The following FARSB variants were observed in gnomAD, a reference collection of about 807,000 sequenced individuals.
FARSB encodes the protein phenylalanine--tRNA ligase beta subunit.
In FARSB, 40 loss-of-function variants were observed where a neutral mutation model predicts 69.6. That is an observed-to-expected ratio of 0.57 (90% CI 0.45 to 0.75). FARSB has a LOEUF of 0.75. Ranked by LOEUF, FARSB falls within the 30% of genes least tolerant of loss-of-function variation. The pLI is 0.00. For synonymous variants in FARSB, 235 were observed against 247.2 expected, an observed-to-expected ratio of 0.95 and a Z score of 0.46; for missense variants, 632 against 722.9, an observed-to-expected ratio of 0.87 and a Z score of 1.44.
At position 222,642,909 on chromosome 2, in the gene FARSB, T is replaced by C; in HGVS notation, c.211A>G (p.Arg71Gly). ...VLYKIDVPAN[R>G]YDLLCLEGLV... ...CCTTCCAGACACAGGAGATCATATCTATTGGCAGGGACGTCAATTTTGTAA... is the reference window on the plus strand; with the variant it reads ...CCTTCCAGACACAGGAGATCATATCCATTGGCAGGGACGTCAATTTTGTAA... Residue 71 changes from arginine (R) to glycine (G), a missense_variant, in exon 3 of 17, where the codon AGA (arginine) becomes GGA (glycine). Arg to Gly is a moderately radical substitution (Grantham distance 125). Coordinates refer to ENST00000281828, the MANE Select transcript of FARSB (RefSeq NM_005687.5). 6.2e-7 allele frequency: 1 copy of C among 1,613,110 alleles called. No individual in the cohort carries two copies. The highest frequency in any genetic ancestry group is 8.5e-7 in the Non-Finnish European group (1 of 1,179,112).
In FARSB at chr2:222,599,911, C is replaced by A. The variant is rs369727146; in HGVS notation, c.1618+17G>T. 8.9e-6 allele frequency: 14 copies of A among 1,565,808 alleles called. No individual in the cohort carries two copies. Among genetic ancestry groups the A allele is most frequent in the Non-Finnish European group, 1.2e-5 (14 of 1,163,004 alleles). On this transcript the variant is annotated intron_variant, in intron 16 of 16. Coordinates refer to ENST00000281828, the MANE Select transcript of FARSB (RefSeq NM_005687.5). ...CTGACACTGTCACTAACTCTGGATT[C>A]GGCTCATCTGTCTTACCTTCTGATG...
intron 15 of FARSB, among the ~76,000 whole-genome samples, chr2:222,604,453 C>T (rs1048312191): frequency 2.0e-5 from 3 of 152,152 alleles, no homozygotes; most frequent in African/African-American, 7.2e-5. Context: ...TGCCATTTAA[C>T]ATTTCTCAGT....
At chr2:222,598,915 C>A (rs1690492038) in intron 16 of FARSB, among the ~76,000 whole-genome samples, 1 of 150,782 alleles carries the variant, frequency 6.6e-6, no homozygotes, top group Admixed American at 6.6e-5. Context: ...GAAACAACTT[C>A]CTGCTTATTT....
chr2:222,603,444 A>G (rs996596904), intron 15 of FARSB, among the ~76,000 whole-genome samples: 3 of 151,828 alleles, frequency 2.0e-5, no homozygotes, highest in Non-Finnish European at 4.4e-5. Context: ...ACGAAAACTA[A>G]CATTAACTGT....
intron 16 of FARSB, among the ~76,000 whole-genome samples, chr2:222,582,782 G>A (rs1217549289): frequency 3.3e-5 from 5 of 151,870 alleles, no homozygotes; most frequent in Admixed American, 1.3e-4. Context: ...AAAATTAGTC[G>A]GGTGTGGTGG....
chr2:222,589,714 T>G (rs893881746), intron 16 of FARSB, among the ~76,000 whole-genome samples: 1 of 152,066 alleles, frequency 6.6e-6, no homozygotes, highest in African/African-American at 2.4e-5. Flanking sequence ...GATATCAACA[T>G]GTACTTCTCA....
Position 222,582,390 on chromosome 2 carries a change from G to T in FARSB, c.1619-10368C>A, listed in dbSNP as rs538445738. Among the ~76,000 whole-genome samples, 25 of 152,314 alleles carry T rather than the reference G, an allele frequency of 1.6e-4. No homozygotes were observed. In the South Asian group the frequency reaches 5.0e-3, roughly 30 times the overall value. ...AGAATATGAACACACACACACAGGT[G>T]TGTGCACACATACATCAGAAGGATA... is the stretch of plus-strand genomic sequence containing the variant. On this transcript the variant is annotated intron_variant, in intron 16 of 16. Transcript: ENST00000281828.
chr2:222,624,550 T>C, intron 11 of FARSB, 71 bp from the exon 12 acceptor site: 3 of 1,094,228 alleles, frequency 2.7e-6, no homozygotes, highest in Non-Finnish European at 4.1e-6. Context: ...TGTTTCAACA[T>C]ATGCTACTAG....
rs985387412 is a variant in FARSB at position 222,567,403 on chromosome 2, G to A, written c.*4468C>T. On this transcript the variant is annotated 3_prime_UTR_variant, in exon 17 of 17. Transcript: ENST00000281828. ...TTGCTTTTGGATAAAATGGACAGAA[G>A]GGCCAAAGTAAATACTCAAGTATTA... 6.6e-6 allele frequency: 1 copy of A among 152,196 alleles called. No homozygotes were observed. Among genetic ancestry groups the A allele is most frequent in the African/African-American group, 2.4e-5 (1 of 41,440 alleles). 9.4% of individuals were successfully genotyped at this position (152,196 alleles called of 1,614,324 possible).
intron 2 of FARSB, chr2:222,644,591 A>T (rs1469827432): frequency 2.3e-6 from 1 of 437,464 alleles, no homozygotes; most frequent in Non-Finnish European, 4.6e-6. Context: ...ATAATATAAT[A>T]ACCGGAGAAA....
chr2:222,644,748 GTTTAA>G (rs1691805140), intron 2 of FARSB, among the ~76,000 whole-genome samples: 1 of 151,958 alleles, frequency 6.6e-6, no homozygotes, highest in Non-Finnish European at 1.5e-5. Context: ...CTATGAAAAA[GTTTAA>G]TTTATAAATT....
At chr2:222,630,244 A>C (rs1691384520) in intron 8 of FARSB, 70 bp from the exon 9 acceptor site, 2 of 765,194 alleles carry the variant, frequency 2.6e-6, no homozygotes, top group Non-Finnish European at 4.2e-6. Flanking sequence ...GAAATGAATT[A>C]ATATTTAATA....
intron 10 of FARSB, 42 bp from the exon 11 acceptor site, chr2:222,624,817 G>T: frequency 8.0e-7 from 1 of 1,256,098 alleles, no homozygotes; most frequent in Non-Finnish European, 1.1e-6. Context: ...TTTCCCATCA[G>T]ATACAGCTTT....
chr2:222,644,547 G>A (rs1559216538), intron 2 of FARSB: 1 of 454,854 alleles, frequency 2.2e-6, no homozygotes, highest in Non-Finnish European at 4.4e-6. Context: ...CCCAGGAGAT[G>A]GCAGATCTCA....
At chr2:222,653,774 G>T (rs890998313) in intron 1 of FARSB, among the ~76,000 whole-genome samples, 5 of 151,902 alleles carry the variant, frequency 3.3e-5, no homozygotes, top group Non-Finnish European at 7.4e-5. Context: ...GGGACTACAC[G>T]TATACACCAC....
chr2:222,590,464 T>C (rs1690239259), intron 16 of FARSB, among the ~76,000 whole-genome samples: 1 of 146,814 alleles, frequency 6.8e-6, no homozygotes, highest in Non-Finnish European at 1.5e-5. Flanking sequence ...TGTATACATA[T>C]GTAACAAACC....
chr2:222,631,343 C>T (rs551434578), intron 8 of FARSB, among the ~76,000 whole-genome samples: 1 of 152,198 alleles, frequency 6.6e-6, no homozygotes, highest in Admixed American at 6.5e-5. Flanking sequence ...CCTAGGAGTT[C>T]TTTGAAGTGA....
intron 15 of FARSB, among the ~76,000 whole-genome samples, chr2:222,610,019 A>G (rs539115994): frequency 1.3e-5 from 2 of 152,342 alleles, no homozygotes; most frequent in South Asian, 2.1e-4. Context: ...ACCAAGGGGC[A>G]ACTGGTACAT....
rs1001676948 is a variant in FARSB, at chr2:222,610,977, C to T, written c.1462+2834G>A. Among the ~76,000 whole-genome samples the T allele has an allele frequency of 3.3e-5, 5 of 152,302 alleles. No individual in the cohort carries two copies. In the East Asian group the frequency reaches 7.7e-4, roughly 23 times the overall value. On this transcript the variant is annotated intron_variant, in intron 15 of 16. Coordinates refer to ENST00000281828, the MANE Select transcript of FARSB (RefSeq NM_005687.5). ...TGCCTCCCCTGTTGTCCTCTATGTA[C>T]AGCAGATGACAAGTAGGGAATCCAT...
Sources: gnomAD v4.1 joint callset for allele counts (sites outside exome capture counted in the v4.1 genomes callset) on GRCh38, gnomAD v4.1.1 for gene constraint, MANE v1.5 for transcripts, NCBI Gene and HGNC (gene_info 2026-07-23, HGNC 2026-07-21) for gene names.